ZSWIM4: variants seen among roughly 807,000 people sequenced by gnomAD.
The protein encoded by ZSWIM4 is zinc finger SWIM-type containing 4.
ZSWIM4 carries 62 observed loss-of-function variants against 102.5 expected under a neutral mutation model. That is an observed-to-expected ratio of 0.60 (90% CI 0.49 to 0.75). The LOEUF (loss-of-function observed/expected upper bound fraction) is 0.75. ZSWIM4 is among the 30% of genes least tolerant of loss of function. ZSWIM4 has a pLI of 0.00. For synonymous variants in ZSWIM4, 652 were observed against 674.5 expected, an observed-to-expected ratio of 0.97 and a Z score of 0.52; for missense variants, 1,280 against 1,529.6, an observed-to-expected ratio of 0.84 and a Z score of 2.72.
At chr19:13,806,780 G>A (rs1974930663) in intron 3 of ZSWIM4, among the ~76,000 whole-genome samples, 1 of 152,070 alleles carries the variant, frequency 6.6e-6, no homozygotes, top group Non-Finnish European at 1.5e-5. Context: ...GACAGTGGTG[G>A]ACAGATGAAG....
chr19:13,804,990 G>T lies in ZSWIM4; in HGVS notation c.554G>T (p.Arg185Leu). The T allele has an allele frequency of 6.2e-7, 1 of 1,612,758 alleles. No homozygotes were observed. The highest frequency in any genetic ancestry group is 8.5e-7 in the Non-Finnish European group (1 of 1,180,034). ...RIRHAHQVEL[R>L]LPISETLSQM... ...CGGCACGCCCACCAGGTGGAGCTGC[G>T]GCTGCCCATCTCCGAGACGCTCTCC... Residue 185 changes from arginine (R) to leucine (L), a missense_variant, in exon 3 of 14, where the codon CGG becomes CTG. Arg to Leu is a moderately radical substitution (Grantham distance 102). Coordinates refer to ENST00000590508, the MANE Select transcript of ZSWIM4 (RefSeq NM_001367834.3).
intron 11 of ZSWIM4, among the ~76,000 whole-genome samples, chr19:13,824,333 G>A (rs146820483): frequency 7.9e-5 from 12 of 151,840 alleles, no homozygotes; most frequent in African/African-American, 1.7e-4. Context: ...AGGCTGAGGC[G>A]GGCAAATCAC....
chr19:13,824,251 C>T (rs955383347), intron 11 of ZSWIM4, among the ~76,000 whole-genome samples: 1 of 152,132 alleles, frequency 6.6e-6, no homozygotes, highest in Non-Finnish European at 1.5e-5. Context: ...AGTACCTGAA[C>T]TTCATGACCT....
chr19:13,830,306 G>A lies in ZSWIM4; in HGVS notation c.2577G>A (p.Gln859=). 6.2e-7 allele frequency: 1 copy of A among 1,613,806 alleles called. No homozygotes were observed. ...CACACGCCACTCTGCTGCGACTGCA[G>A]CTGGACACATCGCGGAGGGAGGAGC... ...GTTHATLLRL[Q]LDTSRREELW... Residue 859 remains glutamine (Q), a synonymous_variant, in exon 14 of 14, where the codon CAG becomes CAA. Transcript: ENST00000590508.
chr19:13,830,249 G>T lies in ZSWIM4; in HGVS notation c.2520G>T (p.Glu840Asp). ...GGTATTCCTTATTCACACCAGTGGA[G>T]GCGGCTACCATCGTGGCAGTGACGG... ...QNWYSLFTPV[E>D]AATIVAVTGT... The change falls in exon 14 of 14, where the codon GAG becomes GAT. Residue 840 changes from glutamate to aspartate, a missense_variant. By Grantham distance (45) the Glu-to-Asp change is conservative. Coordinates refer to ENST00000590508, the MANE Select transcript of ZSWIM4 (RefSeq NM_001367834.3). The T allele has an allele frequency of 6.2e-7, 1 of 1,613,974 alleles. No individual in the cohort carries two copies. The highest frequency in any genetic ancestry group is 8.5e-7 in the Non-Finnish European group (1 of 1,180,026).
rs2145336576 is a variant in ZSWIM4 at position 13,817,214 on chromosome 19, A to G, written c.1532-2A>G. 1 of 1,610,404 alleles carries G rather than the reference A, an allele frequency of 6.2e-7. No individual in the cohort carries two copies. The highest frequency in any genetic ancestry group is 2.2e-5 in the East Asian group (1 of 44,768). ...CATTGAGCCCCCTCTTTCCACCTGC[A>G]GAGCTGCTCCAGAAGGGCTCCACCT... is the stretch of plus-strand genomic sequence containing the variant. On this transcript the variant is annotated splice_acceptor_variant, in intron 7 of 13. Transcript: ENST00000590508. LOFTEE classifies it high-confidence loss of function.
At chr19:13,828,474 T>A (rs1314938295) in intron 12 of ZSWIM4, among the ~76,000 whole-genome samples, 171 bp from the exon 13 acceptor site, 1 of 152,156 alleles carries the variant, frequency 6.6e-6, no homozygotes, top group South Asian at 2.1e-4. Flanking sequence ...AGATACTATT[T>A]TATCTCCATT....
chr19:13,828,437 AAAG>A (rs1975670516), intron 12 of ZSWIM4, among the ~76,000 whole-genome samples: 1 of 152,044 alleles, frequency 6.6e-6, no homozygotes, highest in African/African-American at 2.4e-5. Flanking sequence ...CAACAACAAA[AAAG>A]AAAAAACAAC....
chr19:13,814,428 A>T (rs906840447), intron 6 of ZSWIM4, 87 bp from the exon 7 acceptor site: 13 of 711,706 alleles, frequency 1.8e-5, no homozygotes, highest in Non-Finnish European at 2.0e-5. Flanking sequence ...CCTAAACCCC[A>T]GTTAGTACTT....
chr19:13,810,388 G>A (rs1199852079), intron 5 of ZSWIM4, among the ~76,000 whole-genome samples: 1 of 151,978 alleles, frequency 6.6e-6, no homozygotes, highest in Non-Finnish European at 1.5e-5. Flanking sequence ...CACCTCCTGG[G>A]TTCAAATGAT....
intron 3 of ZSWIM4, among the ~76,000 whole-genome samples, chr19:13,806,152 C>T (rs1352050120): frequency 1.3e-5 from 2 of 151,188 alleles, no homozygotes; most frequent in African/African-American, 4.8e-5. Flanking sequence ...AAGCAATTCT[C>T]CTGTCTCAGC....
rs775396976 is a variant in ZSWIM4, at chr19:13,817,777, C to G, written c.1725C>G (p.Ser575Arg). The change falls in exon 9 of 14, where the codon AGC becomes AGG. Residue 575 changes from serine (S) to arginine (R), a missense_variant. Ser to Arg is a moderately radical substitution (Grantham distance 110, BLOSUM62 -1). Transcript: ENST00000590508. ...VAYQHVPVPG[S>R]PGESYLVLAL... ...ACCAGCACGTGCCTGTGCCCGGGAG[C>G]CCTGGGGAGTCCTACTTGGTGCTGG... 6.2e-7 allele frequency: 1 copy of G among 1,601,082 alleles called. No homozygotes were observed. Among genetic ancestry groups the G allele is most frequent in the East Asian group, 2.3e-5 (1 of 44,348 alleles).
chr19:13,800,867 TGTG>T (rs1259748954), intron 2 of ZSWIM4, among the ~76,000 whole-genome samples: 2 of 152,106 alleles, frequency 1.3e-5, no homozygotes, highest in Non-Finnish European at 2.9e-5. Flanking sequence ...TGAGGCCAGA[TGTG>T]GTGGTTCACA....
chr19:13,831,315 T>C lies in ZSWIM4; in HGVS notation c.*265T>C. On this transcript the variant is annotated 3_prime_UTR_variant, in exon 14 of 14. Transcript: ENST00000590508. ...TTGGGCTGCTGGTATGACCCCACTT[T>C]GGGCACCCCAAAAGCAATAGGCAAA... 1 of 434,752 alleles carries C rather than the reference T, an allele frequency of 2.3e-6. No homozygotes were observed. Among genetic ancestry groups the C allele is most frequent in the Non-Finnish European group, 4.1e-6 (1 of 245,912 alleles). The allele number at this position is 434,752 out of a possible 1,614,324, so 26.9% of individuals were successfully genotyped here.
chr19:13,817,836 A>G lies in ZSWIM4; in HGVS notation c.1784A>G (p.Gln595Arg). 5.1e-6 allele frequency: 8 copies of G among 1,568,804 alleles called. No homozygotes were observed. The highest frequency in any genetic ancestry group is 6.9e-6 in the Non-Finnish European group (8 of 1,157,188). Residue 595 changes from glutamine to arginine, a missense_variant, in exon 9 of 14, where the codon CAG becomes CGG. Gln to Arg is a conservative substitution (Grantham distance 43, BLOSUM62 1). Transcript: ENST00000590508. The stretch of plus-strand genomic sequence containing the variant: ...GTGGCACTGCTGGGGCTGGGGCAGC[A>G]GCGGGCCCTGCCGGAGGGGCTGTAC... ...LEVALLGLGQQRALPEGLYAQ... is the reference protein window; with the variant it reads ...LEVALLGLGQRRALPEGLYAQ...
Position 13,825,821 on chromosome 19 carries a change from G to A in ZSWIM4, c.2379+108G>A. 2 of 1,396,276 alleles carry A rather than the reference G, an allele frequency of 1.4e-6. No homozygotes were observed. Among genetic ancestry groups the A allele is most frequent in the Non-Finnish European group, 1.9e-6 (2 of 1,049,836 alleles). 86.5% of individuals were successfully genotyped at this position (1,396,276 alleles called of 1,614,324 possible). On this transcript the variant is annotated intron_variant, in intron 12 of 13. Transcript: ENST00000590508. The surrounding 1 kb of genome is among the most constrained non-coding windows in gnomAD (Gnocchi z 4.6). Reference sequence around the variant, plus strand: ...GCTGAGTGTGAGCCACTTCGCTGGGGGCCCGGCATTTGCGTGAGCTATTCC... The same window carrying A: ...GCTGAGTGTGAGCCACTTCGCTGGGAGCCCGGCATTTGCGTGAGCTATTCC...
chr19:13,819,451 T>C lies in ZSWIM4; in HGVS notation c.2019T>C (p.His673=), dbSNP rs778482002. 7.5e-6 allele frequency: 12 copies of C among 1,609,464 alleles called. No individual in the cohort carries two copies. In the Admixed American group the frequency reaches 2.0e-4, roughly 27 times the overall value. Residue 673 remains histidine (H), a synonymous_variant, in exon 10 of 14, where the codon CAT becomes CAC. Transcript: ENST00000590508. Reference sequence around the variant, plus strand: ...ACCTGTTCACCGCACTGCTGCCTCATGACCCGGACCTGGCCTATCGCCTCG... The same window carrying C: ...ACCTGTTCACCGCACTGCTGCCTCACGACCCGGACCTGGCCTATCGCCTCG... ...ARYLFTALLP[H]DPDLAYRLAL... is the part of the protein sequence containing the mutation.
rs1975731624 is a variant in ZSWIM4, at chr19:13,830,501, T to C, written c.2772T>C (p.Thr924=). The C allele has an allele frequency of 6.2e-7, 1 of 1,600,456 alleles. No individual in the cohort carries two copies. Residue 924 remains threonine (T), a synonymous_variant, in exon 14 of 14, where the codon ACT becomes ACC. Coordinates refer to ENST00000590508, the MANE Select transcript of ZSWIM4 (RefSeq NM_001367834.3). The part of the protein sequence containing the change: ...AGGLGHAHLF[T]VARYMEHRGL... ...GCCTGGGCCACGCCCACCTCTTCAC[T>C]GTGGCCCGCTATATGGAGCACCGCG...
In ZSWIM4 at chr19:13,825,664, C is replaced by G. The variant is rs2145371375; in HGVS notation, c.2330C>G (p.Ala777Gly). ...DACKTATPVS[A>G]PPDTTLLGIA... is the part of the protein sequence containing the mutation. ...TGCAAGACAGCCACCCCGGTCAGCG[C>G]CCCACCAGACACCACGCTGCTGGGC... The change falls in exon 12 of 14, where the codon GCC becomes GGC. Residue 777 changes from alanine (A) to glycine (G), a missense_variant. Physicochemically the swap from Ala to Gly is moderately conservative, Grantham distance 60. Transcript: ENST00000590508. This position sits in a 1 kb window ranked among gnomAD's most constrained non-coding sequence, Gnocchi z 4.6. The G allele has an allele frequency of 1.2e-6, 2 of 1,613,300 alleles. No individual in the cohort carries two copies. The highest frequency in any genetic ancestry group is 4.5e-5 in the East Asian group (2 of 44,886).
Sources: gnomAD v4.1 joint callset for allele counts (sites outside exome capture counted in the v4.1 genomes callset) on GRCh38, gnomAD v4.1.1 for gene constraint, Gnocchi (gnomAD v3.1) non-coding constraint, MANE v1.5 for transcripts, NCBI Gene and HGNC (gene_info 2026-07-23, HGNC 2026-07-21) for gene names.